Variants in MEGF6 observed in about 807,000 individuals in gnomAD.
The protein encoded by MEGF6 is multiple EGF like domains 6.
In MEGF6, 184 loss-of-function variants were observed where a neutral mutation model predicts 207.1. The observed-to-expected ratio is 0.89, with a 90% CI of 0.79 to 1.00. The LOEUF (loss-of-function observed/expected upper bound fraction) is 1.00. MEGF6 is among the 50% of genes least tolerant of loss of function. MEGF6 has a pLI of 0.00. For synonymous variants in MEGF6, 1,038 were observed against 910.0 expected, an observed-to-expected ratio of 1.14 and a Z score of -2.53; for missense variants, 2,282 against 2,202.9, an observed-to-expected ratio of 1.04 and a Z score of -0.72.
intron 4 of MEGF6, among the ~76,000 whole-genome samples, chr1:3,553,220 G>A (rs1485940798): frequency 6.6e-6 from 1 of 150,824 alleles, no homozygotes; most frequent in Non-Finnish European, 1.5e-5. Context: ...CTGAGGATGG[G>A]GATCCACGGC....
intron 4 of MEGF6, among the ~76,000 whole-genome samples, chr1:3,568,077 C>T (rs958086392): frequency 4.6e-5 from 7 of 152,200 alleles, no homozygotes; most frequent in African/African-American, 1.2e-4. Flanking sequence ...TGCAGGATCG[C>T]CTGCAGGAAT....
intron 4 of MEGF6, among the ~76,000 whole-genome samples, chr1:3,541,190 A>G (rs1254776776): frequency 2.0e-5 from 3 of 152,178 alleles, no homozygotes; most frequent in Non-Finnish European, 2.9e-5. Flanking sequence ...TAAATCCCCC[A>G]TGGCACTGCC....
intron 4 of MEGF6, among the ~76,000 whole-genome samples, chr1:3,529,895 C>T (rs989597461): frequency 2.6e-5 from 4 of 152,390 alleles, no homozygotes; most frequent in South Asian, 4.1e-4. Flanking sequence ...CAGAAAGCTC[C>T]GCTCAGGGCA....
chr1:3,501,890 G>A lies in MEGF6; in HGVS notation c.2220C>T (p.Cys740=). 1 of 1,609,554 alleles carries A rather than the reference G, an allele frequency of 6.2e-7. No individual in the cohort carries two copies. Among genetic ancestry groups the A allele is most frequent in the Non-Finnish European group, 8.5e-7 (1 of 1,178,702 alleles). ...ECPVGTFGVN[C]SSSCSCGGAP... is the part of the protein sequence containing the mutation. Reference sequence around the variant, plus strand: ...CCCCCCCACAGGAGCAGGAGCTCGAGCAGTTCACGCCAAACGTCCCCACCG... The same window carrying A: ...CCCCCCCACAGGAGCAGGAGCTCGAACAGTTCACGCCAAACGTCCCCACCG... Residue 740 remains cysteine, a synonymous_variant, in exon 18 of 37, where the codon TGC becomes TGT. Transcript: ENST00000356575.
Position 3,560,251 on chromosome 1 carries a change from T to C in MEGF6, c.481+19574A>G, listed in dbSNP as rs1643159121. Among the ~76,000 whole-genome samples the C allele has an allele frequency of 6.6e-6, 1 of 152,146 alleles. No homozygotes were observed. The highest frequency in any genetic ancestry group is 1.5e-5 in the Non-Finnish European group (1 of 68,028). Reference sequence around the variant, plus strand: ...CCAACACACATAATTTCCTGTATCATTCAATCCTCCATTGGAATGACCGCT... The same window carrying C: ...CCAACACACATAATTTCCTGTATCACTCAATCCTCCATTGGAATGACCGCT... On this transcript the variant is annotated intron_variant, in intron 4 of 36. Coordinates refer to ENST00000356575, the MANE Select transcript of MEGF6 (RefSeq NM_001409.4). This position sits in a 1 kb window ranked among gnomAD's most constrained non-coding sequence, Gnocchi z 4.0.
At position 3,500,973 on chromosome 1, in the gene MEGF6, G is replaced by A. The variant is rs372842676; in HGVS notation, c.2568C>T (p.Cys856=). 7.4e-6 allele frequency: 12 copies of A among 1,611,744 alleles called. No individual in the cohort carries two copies. The African/African-American group carries it at 1.3e-4, about 18-fold the overall frequency. Reference sequence around the variant, plus strand: ...AGCCAAGGGCCCCCGTACCTCTCTGGCAGCTAAAGCCGGTCCACCCGGGGG... The same window carrying A: ...AGCCAAGGGCCCCCGTACCTCTCTGACAGCTAAAGCCGGTCCACCCGGGGG... ...SCAPGWTGFS[C]QRACDTGHWG... The change falls in exon 20 of 37, where the codon TGC becomes TGT. Residue 856 remains cysteine (C), a synonymous_variant. Coordinates refer to ENST00000356575, the MANE Select transcript of MEGF6 (RefSeq NM_001409.4).
At chr1:3,579,464 G>A (rs1012998290) in intron 4 of MEGF6, among the ~76,000 whole-genome samples, 4 of 152,304 alleles carry the variant, frequency 2.6e-5, no homozygotes, top group Admixed American at 6.5e-5. Context: ...TGAGGACAAC[G>A]ACAGTTCAGC....
chr1:3,496,079 C>A, intron 29 of MEGF6, 61 bp from the exon 30 acceptor site: 1 of 1,460,196 alleles, frequency 6.8e-7, no homozygotes, highest in East Asian at 2.5e-5. Flanking sequence ...CGGTCAACCC[C>A]GGAGTGGGGA....
In MEGF6 at chr1:3,515,527, G is replaced by T. The variant is rs1284056680; in HGVS notation, c.605C>A (p.Ala202Asp). 6.2e-7 allele frequency: 1 copy of T among 1,611,436 alleles called. No homozygotes were observed. Among genetic ancestry groups the T allele is most frequent in the Non-Finnish European group, 8.5e-7 (1 of 1,179,018 alleles). Residue 202 changes from alanine (A) to aspartate (D), a missense_variant and splice_region_variant, in exon 6 of 37, where the codon GCC becomes GAC. By Grantham distance (126) the Ala-to-Asp change is moderately radical (BLOSUM62 -2). Coordinates refer to ENST00000356575, the MANE Select transcript of MEGF6 (RefSeq NM_001409.4). Reference sequence around the variant, plus strand: ...ATTGCCCAGGGCGCAGGAGTTAATGGCTGGGGACACAGGGAGGACCCCAAG... The same window carrying T: ...ATTGCCCAGGGCGCAGGAGTTAATGTCTGGGGACACAGGGAGGACCCCAAG... The part of the protein sequence containing the change: ...RLHTDSRTCL[A>D]INSCALGNGG...
At chr1:3,502,818 C>T (rs774665862) in intron 17 of MEGF6, among the ~76,000 whole-genome samples, 2 of 152,178 alleles carry the variant, frequency 1.3e-5, no homozygotes, top group Non-Finnish European at 2.9e-5. Context: ...CTTAAGGGCC[C>T]GGCCTTGGCC....
chr1:3,496,694 G>T lies in MEGF6; in HGVS notation c.3703C>A (p.Arg1235Ser). 1 of 1,565,120 alleles carries T rather than the reference G, an allele frequency of 6.4e-7. No individual in the cohort carries two copies. The highest frequency in any genetic ancestry group is 8.7e-7 in the Non-Finnish European group (1 of 1,155,312). Residue 1235 changes from arginine to serine, a missense_variant, in exon 29 of 37, where the codon CGC (arginine) becomes AGC (serine). Transcript: ENST00000356575. ...GSCDAATGAC[R>S]CPTGFLGTDC... Reference sequence around the variant, plus strand: ...GTCCCGAGGAACCCAGTGGGGCAGCGGCAGGCCCCCGTGGCCGCATCACAG... The same window carrying T: ...GTCCCGAGGAACCCAGTGGGGCAGCTGCAGGCCCCCGTGGCCGCATCACAG...
chr1:3,551,071 T>A (rs557181506), intron 4 of MEGF6, among the ~76,000 whole-genome samples: 3 of 152,322 alleles, frequency 2.0e-5, no homozygotes, highest in Admixed American at 2.0e-4. Flanking sequence ...CGCGTGGCCA[T>A]GTGGCCAGGC....
Position 3,595,339 on chromosome 1 carries a change from C to T in MEGF6, c.375G>A (p.Ser125=), listed in dbSNP as rs1268056254. 7.5e-6 allele frequency: 12 copies of T among 1,610,576 alleles called. No individual in the cohort carries two copies. The highest frequency in any genetic ancestry group is 3.3e-5 in the Admixed American group (2 of 59,960). The change falls in exon 3 of 37, where the codon TCG becomes TCA. Residue 125 remains serine, a splice_region_variant and synonymous_variant. Coordinates refer to ENST00000356575, the MANE Select transcript of MEGF6 (RefSeq NM_001409.4). ...MQQPDEEGCL[S]AECSASLCFH... The stretch of plus-strand genomic sequence containing the variant: ...CGGGGAGGCGCAGGCGGCACTCACC[C>T]GAGAGGCAGCCCTCCTCGTCGGGCT...
chr1:3,574,287 G>A (rs1643583980), intron 4 of MEGF6, among the ~76,000 whole-genome samples: 1 of 151,716 alleles, frequency 6.6e-6, no homozygotes, highest in Non-Finnish European at 1.5e-5. Context: ...AAGCTTGGCT[G>A]ACCCTTCCTT....
intron 4 of MEGF6, among the ~76,000 whole-genome samples, chr1:3,550,906 A>C (rs1161471893): frequency 2.6e-5 from 4 of 152,238 alleles, no homozygotes; most frequent in Non-Finnish European, 4.4e-5. Flanking sequence ...AACGGGTGTG[A>C]CAGTGGGGCT....
At position 3,577,886 on chromosome 1, in the gene MEGF6, C is replaced by T. The variant is rs76000500; in HGVS notation, c.481+1939G>A. ...CAGAGCCCTCGCCCCACGCTGGACACTGAGCCTCCACGAGACGCCGAGTTC... is the reference window on the plus strand; with the variant it reads ...CAGAGCCCTCGCCCCACGCTGGACATTGAGCCTCCACGAGACGCCGAGTTC... On this transcript the variant is annotated intron_variant, in intron 4 of 36. Coordinates refer to ENST00000356575, the MANE Select transcript of MEGF6 (RefSeq NM_001409.4). 2.2e-3 allele frequency among the ~76,000 whole-genome samples: 338 copies of T among 152,358 alleles called. 3 individuals carry two copies. Among genetic ancestry groups the T allele is most frequent in the Non-Finnish European group, 2.6e-3 (178 of 68,030 alleles).
Position 3,555,209 on chromosome 1 carries a change from C to T in MEGF6, c.481+24616G>A, listed in dbSNP as rs145515944. Among the ~76,000 whole-genome samples the T allele has an allele frequency of 6.7e-4, 78 of 116,128 alleles. 1 individual carries two copies. Among genetic ancestry groups the T allele is most frequent in the Admixed American group, 2.4e-3 (18 of 7,488 alleles). The allele number at this position is 116,128 out of a possible 152,430, so 76.2% of individuals were successfully genotyped here. On this transcript the variant is annotated intron_variant, in intron 4 of 36. Transcript: ENST00000356575. Reference sequence around the variant, plus strand: ...GCTATGGATCAGGGCCGAGAAGGGGCCTCTTCTGCCCAAAAAGACAGCAAG... The same window carrying T: ...GCTATGGATCAGGGCCGAGAAGGGGTCTCTTCTGCCCAAAAAGACAGCAAG...
chr1:3,548,964 A>AGAC (rs1169570210), intron 4 of MEGF6, among the ~76,000 whole-genome samples: 1 of 152,046 alleles, frequency 6.6e-6, no homozygotes, highest in Non-Finnish European at 1.5e-5. Context: ...CTGCCTGGTC[A>AGAC]CCCTCACTGA....
intron 20 of MEGF6, 59 bp downstream of exon 20, chr1:3,500,907 C>T: frequency 6.2e-7 from 1 of 1,609,242 alleles, no homozygotes; most frequent in Non-Finnish European, 8.5e-7. Flanking sequence ...GCAGAGGCCT[C>T]TCCAGGGGCT....
Sources: allele counts gnomAD v4.1 joint callset (sites outside exome capture counted in the v4.1 genomes callset), GRCh38; gene constraint gnomAD v4.1.1; non-coding constraint Gnocchi (gnomAD v3.1); transcripts MANE v1.5; gene names NCBI Gene and HGNC (gene_info 2026-07-23, HGNC 2026-07-21).